Variants in NDUFA10 observed in about 807,000 individuals in gnomAD.
NDUFA10 encodes the protein NADH dehydrogenase [ubiquinone] 1 alpha subcomplex subunit 10, mitochondrial.
A neutral mutation model predicts 47.8 loss-of-function variants in NDUFA10; 40 were observed. That is an observed-to-expected ratio of 0.84 (90% CI 0.65 to 1.09). NDUFA10 has a LOEUF of 1.09. Ranked by LOEUF, NDUFA10 falls within the 50% of genes least tolerant of loss-of-function variation. NDUFA10 has a pLI of 0.00. For missense variants in NDUFA10, 413 were observed against 451.1 expected, an observed-to-expected ratio of 0.92 and a Z score of 0.76; for synonymous variants, 183 against 172.2, an observed-to-expected ratio of 1.06 and a Z score of -0.49.
intron 8 of NDUFA10, among the ~76,000 whole-genome samples, chr2:239,996,763 C>A (rs1696497325): frequency 6.6e-6 from 1 of 151,928 alleles, no homozygotes; most frequent in Non-Finnish European, 1.5e-5. Flanking sequence ...GAATGCAGCC[C>A]AACATAAATT....
chr2:239,933,521 T>C (rs1306074635), intron 4 of NDUFA10, among the ~76,000 whole-genome samples: 1 of 151,314 alleles, frequency 6.6e-6, no homozygotes, highest in East Asian at 1.9e-4. Flanking sequence ...TTTGTTTTTT[T>C]GTTTTGTTTT....
In NDUFA10 at chr2:239,945,550, C is replaced by T. The variant is rs1001365812; in HGVS notation, c.294+44524G>A. ...CAGGGCTGCAGTCTACCCCGTATGGCCAGGCTGGGAGGATCCTGGGGGCTG... is the reference window on the plus strand; with the variant it reads ...CAGGGCTGCAGTCTACCCCGTATGGTCAGGCTGGGAGGATCCTGGGGGCTG... On this transcript the variant is annotated intron_variant, in intron 4 of 5. Coordinates refer to the NDUFA10 transcript ENST00000419408. This position sits in a 1 kb window ranked among gnomAD's most constrained non-coding sequence, Gnocchi z 4.6. 2.0e-5 allele frequency among the ~76,000 whole-genome samples: 3 copies of T among 152,128 alleles called. No individual in the cohort carries two copies. Among genetic ancestry groups the T allele is most frequent in the African/African-American group, 7.2e-5 (3 of 41,444 alleles).
intron 4 of NDUFA10, among the ~76,000 whole-genome samples, chr2:239,946,016 G>T (rs979262866): frequency 6.6e-6 from 1 of 152,210 alleles, no homozygotes; most frequent in Non-Finnish European, 1.5e-5. Flanking sequence ...GGGCCCCAGG[G>T]ATTCCGTTCT....
intron 4 of NDUFA10, among the ~76,000 whole-genome samples, chr2:240,017,595 T>G (rs1273215193): frequency 6.6e-6 from 1 of 152,118 alleles, no homozygotes; most frequent in East Asian, 1.9e-4. Context: ...TTCTTCATAT[T>G]CATATCCCTA....
At chr2:239,979,951 G>C (rs1019006574) in intron 9 of NDUFA10, among the ~76,000 whole-genome samples, 2 of 151,950 alleles carry the variant, frequency 1.3e-5, no homozygotes, top group African/African-American at 4.8e-5. Flanking sequence ...ACCTGTTCCT[G>C]CCTTCCGGGG....
Position 239,990,637 on chromosome 2 carries a change from T to A in NDUFA10, c.891-455A>T, listed in dbSNP as rs532375070. Among the ~76,000 whole-genome samples, 4 of 152,290 alleles carry A rather than the reference T, an allele frequency of 2.6e-5. No homozygotes were observed. In the East Asian group the frequency reaches 7.7e-4, roughly 29 times the overall value. On this transcript the variant is annotated intron_variant, in intron 8 of 9. Coordinates refer to ENST00000252711, the MANE Select transcript of NDUFA10 (RefSeq NM_004544.4). Reference sequence around the variant, plus strand: ...GTGAGTAGCTTCAGTCCCTCTGGGGTTGCAGCCAGCGTCTTACTGCTCTGT... The same window carrying A: ...GTGAGTAGCTTCAGTCCCTCTGGGGATGCAGCCAGCGTCTTACTGCTCTGT...
chr2:240,023,435 C>CCT, intron 1 of NDUFA10, among the ~76,000 whole-genome samples: 1 of 152,240 alleles, frequency 6.6e-6, no homozygotes, highest in East Asian at 1.9e-4. Flanking sequence ...AGAGTTAGGA[C>CCT]AAGACAATGA....
intron 4 of NDUFA10, among the ~76,000 whole-genome samples, chr2:239,922,837 A>C (rs1218527466): frequency 1.3e-5 from 2 of 152,234 alleles, no homozygotes; most frequent in African/African-American, 4.8e-5. Flanking sequence ...GTGTGCCAGC[A>C]GGTAAGATGG....
intron 4 of NDUFA10, among the ~76,000 whole-genome samples, chr2:239,935,410 A>G (rs1694248097): frequency 6.6e-6 from 1 of 152,238 alleles, no homozygotes; most frequent in Non-Finnish European, 1.5e-5. Flanking sequence ...TGGGCCCTGC[A>G]GGCCGACAGG....
At chr2:239,907,803 T>C (rs578183121) in intron 4 of NDUFA10, among the ~76,000 whole-genome samples, 19,998 of 151,986 alleles carry the variant, frequency 0.13, 1,401 homozygotes, top group Middle Eastern at 0.21. Context: ...TTGGTGGGAG[T>C]GTAAACTAGT....
chr2:239,947,555 A>T (rs1257714242), intron 4 of NDUFA10, among the ~76,000 whole-genome samples: 1 of 152,096 alleles, frequency 6.6e-6, no homozygotes, highest in African/African-American at 2.4e-5. Flanking sequence ...CACCAGACAC[A>T]GACAGGGACG....
At chr2:239,963,160 G>T (rs1269248206) in intron 9 of NDUFA10, among the ~76,000 whole-genome samples, 1 of 152,214 alleles carries the variant, frequency 6.6e-6, no homozygotes, top group Non-Finnish European at 1.5e-5. Flanking sequence ...CACAAAAAAA[G>T]AAAAACCCAG....
At chr2:239,929,686 C>CTGCTCCTCCACTGCCCT (rs1478979318) in intron 4 of NDUFA10, among the ~76,000 whole-genome samples, 12 of 147,842 alleles carry the variant, frequency 8.1e-5, no homozygotes, top group African/African-American at 3.0e-4. Context: ...TCCACTGCCC[C>CTGCTCCTCCACTGCCCT]TGCTCCTCCA....
chr2:239,921,761 A>G (rs188814932), intron 4 of NDUFA10, among the ~76,000 whole-genome samples: 6 of 152,206 alleles, frequency 3.9e-5, no homozygotes, highest in African/African-American at 1.4e-4. Flanking sequence ...CTATGGATGG[A>G]GCTCCAGTTC....
chr2:239,962,784 G>A (rs1237354251), intron 9 of NDUFA10, among the ~76,000 whole-genome samples: 1 of 152,180 alleles, frequency 6.6e-6, no homozygotes, highest in East Asian at 1.9e-4. Context: ...GCAGGGGCAG[G>A]TACGCCACAT....
At chr2:239,937,774 C>A (rs977724130) in intron 4 of NDUFA10, among the ~76,000 whole-genome samples, 2 of 152,214 alleles carry the variant, frequency 1.3e-5, no homozygotes, top group African/African-American at 4.8e-5. Context: ...ATTTTACACC[C>A]CACTGACAAC....
At chr2:239,898,945 G>A (rs184062798) in intron 4 of NDUFA10, among the ~76,000 whole-genome samples, 1,303 of 116,522 alleles carry the variant, frequency 0.011, 4 homozygotes, top group Middle Eastern at 0.019. Flanking sequence ...TGACGGAGGG[G>A]TGTGGAGGGG....
At position 240,011,724 on chromosome 2, in the gene NDUFA10, G is replaced by A. The variant is rs779028563; in HGVS notation, c.670-28C>T. On this transcript the variant is annotated intron_variant, in intron 5 of 9. Coordinates refer to ENST00000252711, the MANE Select transcript of NDUFA10 (RefSeq NM_004544.4). ...AAACAGAAGCAGAAAAATCAAACTG[G>A]GAAACATTTAGAGTTCATTCTCTTT... 5.1e-6 allele frequency: 8 copies of A among 1,562,322 alleles called. No homozygotes were observed. In the Admixed American group the frequency reaches 1.2e-4, roughly 23 times the overall value.
chr2:239,915,757 AAC>A (rs144428990), intron 4 of NDUFA10, among the ~76,000 whole-genome samples: 1,970 of 152,094 alleles, frequency 0.013, 20 homozygotes, highest in Non-Finnish European at 0.02. Flanking sequence ...ACACACACAG[AAC>A]ACACAAATAT....
Sources: allele counts gnomAD v4.1 joint callset (sites outside exome capture counted in the v4.1 genomes callset), GRCh38; gene constraint gnomAD v4.1.1; non-coding constraint Gnocchi (gnomAD v3.1); transcripts MANE v1.5; gene names NCBI Gene and HGNC (gene_info 2026-07-23, HGNC 2026-07-21).